The following RIMKLA variants were observed in gnomAD, a reference collection of about 807,000 sequenced individuals.
RIMKLA encodes ribosomal modification protein rimK like family member A.
In RIMKLA, 14 loss-of-function variants were observed where a neutral mutation model predicts 32.7. The observed-to-expected ratio is 0.43, with a 90% CI of 0.28 to 0.67. RIMKLA has a LOEUF of 0.67. Ranked by LOEUF, RIMKLA falls within the 30% of genes least tolerant of loss-of-function variation. The pLI, the probability that RIMKLA is intolerant of heterozygous loss-of-function variation, is 0.18. For synonymous variants in RIMKLA, 176 were observed against 204.1 expected, an observed-to-expected ratio of 0.86 and a Z score of 1.18; for missense variants, 410 against 519.0, an observed-to-expected ratio of 0.79 and a Z score of 2.04.
chr1:42,385,831 T>TTC (rs1642935519), intron 1 of RIMKLA, among the ~76,000 whole-genome samples: 10 of 55,288 alleles, frequency 1.8e-4, no homozygotes, highest in African/African-American at 5.2e-4. Flanking sequence ...TTCCTTCCTT[T>TTC]CTTTCTTTCT....
chr1:42,385,844 C>CCTT (rs1642937106), intron 1 of RIMKLA, among the ~76,000 whole-genome samples: 4 of 57,074 alleles, frequency 7.0e-5, no homozygotes, highest in Non-Finnish European at 1.1e-4. Flanking sequence ...TTCTTTCTTT[C>CCTT]TCTTTCTTTC....
At chr1:42,413,532 A>G (rs887936398) in intron 4 of RIMKLA, among the ~76,000 whole-genome samples, 2 of 151,180 alleles carry the variant, frequency 1.3e-5, no homozygotes, top group Non-Finnish European at 2.9e-5. Context: ...AAAGAAAGAA[A>G]AAAGAAAATT....
intron 1 of RIMKLA, among the ~76,000 whole-genome samples, chr1:42,388,172 C>T (rs1322282062): frequency 1.3e-5 from 2 of 152,030 alleles, no homozygotes; most frequent in African/African-American, 4.8e-5. Context: ...GGGACTTTTG[C>T]TTTTACTCTG....
At chr1:42,394,881 C>T (rs1437245352) in intron 1 of RIMKLA, among the ~76,000 whole-genome samples, 2 of 151,974 alleles carry the variant, frequency 1.3e-5, no homozygotes, top group South Asian at 2.1e-4. Context: ...GGATTACAGG[C>T]GTGCACACCA....
At chr1:42,394,152 A>G (rs896765636) in intron 1 of RIMKLA, among the ~76,000 whole-genome samples, 1 of 152,246 alleles carries the variant, frequency 6.6e-6, no homozygotes, top group Non-Finnish European at 1.5e-5. Flanking sequence ...AGCCACTGTT[A>G]CATGATCCTG....
At chr1:42,401,455 A>G (rs922443626) in intron 2 of RIMKLA, among the ~76,000 whole-genome samples, 1 of 151,948 alleles carries the variant, frequency 6.6e-6, no homozygotes, top group Non-Finnish European at 1.5e-5. Flanking sequence ...TGTCTAAAAA[A>G]AAAAGGAAGG....
intron 3 of RIMKLA, among the ~76,000 whole-genome samples, chr1:42,405,016 G>A (rs895963637): frequency 1.3e-5 from 2 of 152,100 alleles, no homozygotes; most frequent in Non-Finnish European, 2.9e-5. Flanking sequence ...AGCTGTCTCT[G>A]GCCACATGAA....
intron 1 of RIMKLA, among the ~76,000 whole-genome samples, chr1:42,382,665 A>T (rs1642899195): frequency 6.6e-6 from 1 of 152,240 alleles, no homozygotes; most frequent in Non-Finnish European, 1.5e-5. Context: ...TAGTTTGTAG[A>T]ACCGTCACAA....
chr1:42,402,085 CT>C (rs376037748), intron 2 of RIMKLA, among the ~76,000 whole-genome samples: 17 of 152,242 alleles, frequency 1.1e-4, no homozygotes, highest in Non-Finnish European at 2.4e-4. Context: ...GAAGATGCCC[CT>C]AATTACGTTC....
chr1:42,405,694 C>T (rs1163642614), intron 3 of RIMKLA, among the ~76,000 whole-genome samples: 3 of 152,178 alleles, frequency 2.0e-5, no homozygotes, highest in African/African-American at 2.4e-5. Context: ...TCACTGATCT[C>T]GAGGCGCTCA....
In RIMKLA at chr1:42,423,351, A is replaced by G. The variant is rs1033791328; in HGVS notation, c.*8377A>G. Among the ~76,000 whole-genome samples the G allele has an allele frequency of 6.6e-6, 1 of 152,166 alleles. No individual in the cohort carries two copies. Among genetic ancestry groups the G allele is most frequent in the Non-Finnish European group, 1.5e-5 (1 of 68,036 alleles). On this transcript the variant is annotated 3_prime_UTR_variant, in exon 5 of 5. Coordinates refer to ENST00000431473, the MANE Select transcript of RIMKLA (RefSeq NM_173642.4). ...CTACACAAAAGTGGAGAGAATAGTA[A>G]ACTCCCCAGAAAAGGACGTTTCCAT...
rs1356645291 is a variant in RIMKLA, at chr1:42,416,724, A to C, written c.*1750A>C. 6.6e-6 allele frequency: 1 copy of C among 152,208 alleles called. No homozygotes were observed. Among genetic ancestry groups the C allele is most frequent in the African/African-American group, 2.4e-5 (1 of 41,448 alleles). 9.4% of individuals were successfully genotyped at this position (152,208 alleles called of 1,614,324 possible). ...CGTACTTACTCTGCCATAAATGTAA[A>C]ATGTGTATAAAGTTAAGCTATTGCA... On this transcript the variant is annotated 3_prime_UTR_variant, in exon 5 of 5. Coordinates refer to ENST00000431473, the MANE Select transcript of RIMKLA (RefSeq NM_173642.4).
At chr1:42,385,077 A>G (rs1369789802) in intron 1 of RIMKLA, among the ~76,000 whole-genome samples, 2 of 152,158 alleles carry the variant, frequency 1.3e-5, no homozygotes, top group African/African-American at 4.8e-5. Flanking sequence ...ATAATTGTCT[A>G]TTTATACAGT....
At chr1:42,404,371 C>T (rs773663455) in intron 2 of RIMKLA, 140 bp from the exon 3 acceptor site, 55 of 653,948 alleles carry the variant, frequency 8.4e-5, no homozygotes, top group Non-Finnish European at 1.4e-4. Flanking sequence ...TAATGTGTGT[C>T]TGTTGAATCA....
chr1:42,413,501 C>CAAAA (rs201462707), intron 4 of RIMKLA, among the ~76,000 whole-genome samples: 105 of 124,888 alleles, frequency 8.4e-4, no homozygotes, highest in East Asian at 1.5e-3. Flanking sequence ...AAGAGTCTCT[C>CAAAA]AAAAAAAAAA....
In RIMKLA at chr1:42,399,541, C is replaced by A; in HGVS notation, c.301C>A (p.Arg101Ser). Residue 101 changes from arginine (R) to serine (S), a missense_variant, in exon 2 of 5, where the codon CGC becomes AGC. Coordinates refer to ENST00000431473, the MANE Select transcript of RIMKLA (RefSeq NM_173642.4). ...LEKLGCRLVNRPQSILNCINK... is the reference protein window; with the variant it reads ...LEKLGCRLVNSPQSILNCINK... The stretch of plus-strand genomic sequence containing the variant: ...GAAGCTGGGCTGCCGGTTGGTCAAT[C>A]GCCCACAGAGCATCTTAAATTGCAT... 1 of 1,613,438 alleles carries A rather than the reference C, an allele frequency of 6.2e-7. No individual in the cohort carries two copies. Among genetic ancestry groups the A allele is most frequent in the Non-Finnish European group, 8.5e-7 (1 of 1,179,746 alleles).
chr1:42,385,581 G>T (rs929440950), intron 1 of RIMKLA, among the ~76,000 whole-genome samples: 10 of 152,024 alleles, frequency 6.6e-5, no homozygotes, highest in African/African-American at 2.4e-4. Context: ...AGAGTGGGGT[G>T]GATGTTTAGT....
In RIMKLA at chr1:42,409,917, G is replaced by A. The variant is rs16829449; in HGVS notation, c.482-67G>A. On this transcript the variant is annotated intron_variant, in intron 3 of 4. Coordinates refer to ENST00000431473, the MANE Select transcript of RIMKLA (RefSeq NM_173642.4). ...AACTGATGACTTTATGGACAAGGAG[G>A]CCAGATGGCAAGTACAGAGTCCAGA... 4.0e-3 allele frequency: 5,001 copies of A among 1,238,310 alleles called. 169 individuals carry two copies. In the African/African-American group the frequency reaches 0.066, roughly 16 times the overall value. 76.7% of individuals were successfully genotyped at this position (1,238,310 alleles called of 1,614,324 possible).
chr1:42,410,217 G>A, intron 4 of RIMKLA, 30 bp downstream of exon 4: 1 of 1,591,186 alleles, frequency 6.3e-7, no homozygotes, highest in Non-Finnish European at 8.6e-7. Flanking sequence ...GGTTTTATTA[G>A]GGTATTTGGA....
Sources: allele counts gnomAD v4.1 joint callset (sites outside exome capture counted in the v4.1 genomes callset), GRCh38; gene constraint gnomAD v4.1.1; transcripts MANE v1.5; gene names NCBI Gene and HGNC (gene_info 2026-07-23, HGNC 2026-07-21).